LRRC19: variants seen among roughly 807,000 people sequenced by gnomAD.
LRRC19 encodes the protein leucine rich repeat containing 19, also known as leucine-rich repeat-containing protein 19.
LRRC19 carries 33 observed loss-of-function variants against 33.3 expected under a neutral mutation model. The observed-to-expected ratio is 0.99, with a 90% CI of 0.75 to 1.33. LRRC19 has a LOEUF of 1.33. Ranked by LOEUF, LRRC19 falls within the 40% of genes most tolerant of loss-of-function variation. The pLI, the probability that LRRC19 is intolerant of heterozygous loss-of-function variation, is 0.00. For missense variants in LRRC19, 463 were observed against 417.3 expected, an observed-to-expected ratio of 1.11 and a Z score of -0.95; for synonymous variants, 184 against 152.3, an observed-to-expected ratio of 1.21 and a Z score of -1.53.
Position 26,996,570 on chromosome 9 carries a change from A to G in LRRC19, c.596-71T>C, listed in dbSNP as rs1014760683. On this transcript the variant is annotated intron_variant, in intron 3 of 4. Coordinates refer to ENST00000380055, the MANE Select transcript of LRRC19 (RefSeq NM_022901.3). ...GTTAACAACATTTTATAATTGTTTT[A>G]TCTAGAATTTTTGACATATTTGTCA... 7.3e-6 allele frequency: 8 copies of G among 1,102,644 alleles called. No individual in the cohort carries two copies. The Admixed American group carries it at 1.4e-4, about 20-fold the overall frequency. 68.3% of individuals were successfully genotyped at this position (1,102,644 alleles called of 1,614,324 possible). A position where few individuals can be genotyped will look rare whatever the true frequency, so the allele number is the denominator to read the frequency against.
intron 3 of LRRC19, 95 bp from the exon 4 acceptor site, chr9:26,996,594 C>A: frequency 1.1e-6 from 1 of 892,718 alleles, no homozygotes; most frequent in South Asian, 4.3e-5. Flanking sequence ...ACATATTTGT[C>A]ATTCTTAAAG....
intron 1 of LRRC19, among the ~76,000 whole-genome samples, chr9:27,003,240 C>T (rs1011713350): frequency 1.3e-5 from 2 of 151,620 alleles, no homozygotes; most frequent in African/African-American, 4.8e-5. Context: ...AAGATCATGT[C>T]TGCCAGGTGC....
chr9:27,000,939 CTT>C (rs561778168), intron 1 of LRRC19, among the ~76,000 whole-genome samples: 1 of 152,116 alleles, frequency 6.6e-6, no homozygotes, highest in Non-Finnish European at 1.5e-5. Flanking sequence ...CATTAATAAA[CTT>C]TTCTGCATTC....
In LRRC19 at chr9:26,994,536, CAAAAAAAAAAAA is replaced by C. The variant is rs1170964624; in HGVS notation, c.*973_*984del. On this transcript the variant is annotated 3_prime_UTR_variant, in exon 5 of 5. Coordinates refer to ENST00000380055, the MANE Select transcript of LRRC19 (RefSeq NM_022901.3). ...TGGGAGACAGTGCGAGACTTTGTCT[CAAAAAAAAAAAA>C]AAAAAAAAGAAAAAGAATCTTGTTT... 6.9e-5 allele frequency: 4 copies of C among 58,322 alleles called. No homozygotes were observed. Among genetic ancestry groups the C allele is most frequent in the East Asian group, 1.2e-3 (2 of 1,682 alleles). 3.6% of individuals were successfully genotyped at this position (58,322 alleles called of 1,614,324 possible).
intron 1 of LRRC19, among the ~76,000 whole-genome samples, chr9:27,000,956 C>T (rs372396354): frequency 2.4e-4 from 37 of 152,236 alleles, no homozygotes; most frequent in African/African-American, 7.9e-4. Flanking sequence ...GCATTCCTCC[C>T]TCCCTACCAC....
intron 1 of LRRC19, among the ~76,000 whole-genome samples, chr9:27,004,832 T>C (rs1410878754): frequency 6.6e-6 from 1 of 152,090 alleles, no homozygotes; most frequent in Non-Finnish European, 1.5e-5. Flanking sequence ...CATTTTTACC[T>C]AGCATATGAT....
chr9:26,996,257 GT>G (rs1828149895), intron 4 of LRRC19, 53 bp downstream of exon 4: 1 of 1,019,298 alleles, frequency 9.8e-7, no homozygotes, highest in Non-Finnish European at 1.4e-6. Flanking sequence ...AACTACCTCA[GT>G]TTATTTAGTA....
Position 26,997,954 on chromosome 9 carries a change from T to C in LRRC19, c.369A>G (p.Leu123=). 3.1e-6 allele frequency: 5 copies of C among 1,613,940 alleles called. No homozygotes were observed. Among genetic ancestry groups the C allele is most frequent in the Non-Finnish European group, 4.2e-6 (5 of 1,179,964 alleles). ...QQGAFLGLNK[L]KQLYLCQNKI... is the part of the protein sequence containing the mutation. ...TGTTTTGGCAGAGATATAACTGTTT[T>C]AGTTTATTTAAGCCTAAAAATGCAC... The change falls in exon 3 of 5, where the codon CTA becomes CTG. Residue 123 remains leucine (L), a synonymous_variant. Transcript: ENST00000380055.
At chr9:27,000,430 A>G (rs1325129544) in intron 1 of LRRC19, among the ~76,000 whole-genome samples, 1 of 152,104 alleles carries the variant, frequency 6.6e-6, no homozygotes, top group Non-Finnish European at 1.5e-5. Context: ...TTATCTATCT[A>G]TTATTCTTGA....
At chr9:26,995,909 CATAATT>C in intron 4 of LRRC19, 60 bp from the exon 5 acceptor site, 1 of 1,181,674 alleles carries the variant, frequency 8.5e-7, no homozygotes, top group African/African-American at 1.5e-5. Context: ...GCAAAATAAT[CATAATT>C]ATATATCCTA....
At chr9:27,002,520 T>C (rs1774612166) in intron 1 of LRRC19, among the ~76,000 whole-genome samples, 1 of 152,250 alleles carries the variant, frequency 6.6e-6, no homozygotes, top group Admixed American at 6.5e-5. Context: ...TTATGCAGTT[T>C]TTCTAGCACC....
intron 1 of LRRC19, among the ~76,000 whole-genome samples, chr9:27,001,194 T>G (rs551154907): frequency 2.7e-4 from 41 of 152,316 alleles, no homozygotes; most frequent in Non-Finnish European, 5.3e-4. Flanking sequence ...TTTTTTTTAA[T>G]CCATTCATCT....
chr9:27,003,149 C>G (rs904984240), intron 1 of LRRC19, among the ~76,000 whole-genome samples: 1 of 151,878 alleles, frequency 6.6e-6, no homozygotes, highest in Non-Finnish European at 1.5e-5. Context: ...TATCTTGCAA[C>G]TTTACTGAAT....
At chr9:26,997,330 CTTTTTT>C (rs773530183) in intron 3 of LRRC19, among the ~76,000 whole-genome samples, 2 of 123,604 alleles carry the variant, frequency 1.6e-5, no homozygotes, top group African/African-American at 5.9e-5. Context: ...GTTTCCTTTC[CTTTTTT>C]TTTTTTTTTT....
intron 1 of LRRC19, among the ~76,000 whole-genome samples, chr9:27,004,541 T>C (rs1828674714): frequency 6.6e-6 from 1 of 152,192 alleles, no homozygotes; most frequent in Non-Finnish European, 1.5e-5. Context: ...GCTAGCATTA[T>C]TGGGTGTCTT....
intron 2 of LRRC19, 35 bp from the exon 3 acceptor site, chr9:26,998,276 A>G (rs774936965): frequency 5.9e-6 from 7 of 1,186,238 alleles, no homozygotes; most frequent in South Asian, 2.0e-5. Context: ...CATTAATCAG[A>G]AAAAAAATTA....
chr9:26,994,654 C>G lies in LRRC19; in HGVS notation c.*867G>C, dbSNP rs1201809088. Reference sequence around the variant, plus strand: ...TTCTTCTGTAAATACTTGTGAATGTCTCTCTGGAAATTAGTATTCTAGAAA... The same window carrying G: ...TTCTTCTGTAAATACTTGTGAATGTGTCTCTGGAAATTAGTATTCTAGAAA... On this transcript the variant is annotated 3_prime_UTR_variant, in exon 5 of 5. Coordinates refer to ENST00000380055, the MANE Select transcript of LRRC19 (RefSeq NM_022901.3). 6.6e-6 allele frequency: 1 copy of G among 152,018 alleles called. No individual in the cohort carries two copies. 9.4% of individuals were successfully genotyped at this position (152,018 alleles called of 1,614,324 possible).
intron 2 of LRRC19, among the ~76,000 whole-genome samples, chr9:26,999,008 A>C (rs1433613206): frequency 6.6e-6 from 1 of 152,132 alleles, no homozygotes; most frequent in African/African-American, 2.4e-5. Context: ...GCAAGCAATC[A>C]ATCAATCAGT....
chr9:26,999,710 G>A lies in LRRC19; in HGVS notation c.-9-7C>T, dbSNP rs751543390. On this transcript the variant is annotated splice_polypyrimidine_tract_variant and splice_region_variant and intron_variant, in intron 1 of 4. Coordinates refer to ENST00000380055, the MANE Select transcript of LRRC19 (RefSeq NM_022901.3). ...TGACTTTCATGTTGCAGACCTGATA[G>A]AAAAGAGAGTATTTTCATTAAGGAC... The A allele has an allele frequency of 5.9e-6, 9 of 1,536,720 alleles. No individual in the cohort carries two copies. Among genetic ancestry groups the A allele is most frequent in the Non-Finnish European group, 2.7e-6 (3 of 1,131,888 alleles).
Sources: gnomAD v4.1 joint callset for allele counts (sites outside exome capture counted in the v4.1 genomes callset) on GRCh38, gnomAD v4.1.1 for gene constraint, MANE v1.5 for transcripts, NCBI Gene and HGNC (gene_info 2026-07-23, HGNC 2026-07-21) for gene names.